The following PDE8B variants were observed in gnomAD, a reference collection of about 807,000 sequenced individuals.
The protein encoded by PDE8B is high affinity cAMP-specific and IBMX-insensitive 3',5'-cyclic phosphodiesterase 8B.
A neutral mutation model predicts 101.3 loss-of-function variants in PDE8B; 26 were observed. That is an observed-to-expected ratio of 0.26 (90% confidence interval 0.19 to 0.36). The LOEUF is 0.36. Among genes scored for constraint, PDE8B ranks in the 10% least tolerant of loss-of-function variants. The pLI is 1.00. For synonymous variants in PDE8B, 424 were observed against 429.3 expected (o/e 0.99, Z 0.15); for missense variants, 810 against 1,163.1 (o/e 0.70, Z 4.42).
intron 1 of PDE8B, among the ~76,000 whole-genome samples, chr5:77,262,824 T>C (rs1275292170): frequency 6.6e-6 from 1 of 152,216 alleles, no homozygotes; most frequent in East Asian, 1.9e-4. Context: ...CCACATGACC[T>C]GAAGATCTGC....
chr5:77,423,328 A>G lies in PDE8B; in HGVS notation c.2418+1340A>G, dbSNP rs568636046. Among the ~76,000 whole-genome samples, 3 of 152,336 alleles carry G rather than the reference A, an allele frequency of 2.0e-5. No individual in the cohort carries two copies. The East Asian group carries it at 5.8e-4, about 29-fold the overall frequency. On this transcript the variant is annotated intron_variant, in intron 20 of 21. Coordinates refer to ENST00000264917, the MANE Select transcript of PDE8B (RefSeq NM_003719.5). ...ATTGTGCTGTCATAAACATGCAAGT[A>G]CAGGTGTCTCTTCAGTAGAATGATT...
chr5:77,129,967 G>A, the PDE8B span, among the ~76,000 whole-genome samples: 1 of 152,152 alleles, frequency 6.6e-6, no homozygotes, highest in African/African-American at 2.4e-5. Context: ...CCTTGATTGT[G>A]TTTCCAGATC....
intron 2 of PDE8B, among the ~76,000 whole-genome samples, chr5:77,319,435 G>T (rs982287001): frequency 1.3e-5 from 2 of 152,036 alleles, no homozygotes; most frequent in South Asian, 2.1e-4. Flanking sequence ...CTATCTCTCC[G>T]TGATAAACCC....
chr5:77,111,396 A>G, the PDE8B span, among the ~76,000 whole-genome samples: 39 of 152,226 alleles, frequency 2.6e-4, no homozygotes, highest in Non-Finnish European at 4.4e-4. Context: ...CCAAAAGTCA[A>G]TTAGAAAAGT....
chr5:77,298,182 AG>A (rs778645859), intron 1 of PDE8B, among the ~76,000 whole-genome samples: 14 of 152,228 alleles, frequency 9.2e-5, no homozygotes, highest in Non-Finnish European at 1.5e-4. Context: ...TCCCATCATA[AG>A]GAAACAGTGC....
At chr5:77,352,299 C>A (rs1361114570) in intron 9 of PDE8B, among the ~76,000 whole-genome samples, 1 of 152,190 alleles carries the variant, frequency 6.6e-6, no homozygotes, top group Non-Finnish European at 1.5e-5. Context: ...TTATCCTCAT[C>A]CTTATACCAT....
chr5:77,130,671 TC>T, the PDE8B span, among the ~76,000 whole-genome samples: 2 of 152,002 alleles, frequency 1.3e-5, no homozygotes, highest in Non-Finnish European at 2.9e-5. Context: ...ATGGGGCTGT[TC>T]TCCATAATCA....
At chr5:77,423,969 T>G (rs1373256884) in intron 20 of PDE8B, among the ~76,000 whole-genome samples, 2 of 152,050 alleles carry the variant, frequency 1.3e-5, no homozygotes, top group Non-Finnish European at 2.9e-5. Flanking sequence ...TATTGGCTGC[T>G]TGTGTGTCGT....
intron 10 of PDE8B, among the ~76,000 whole-genome samples, chr5:77,355,943 A>G (rs569462724): frequency 2.6e-5 from 4 of 152,344 alleles, no homozygotes; most frequent in East Asian, 1.9e-4. Context: ...TTATTGGAAC[A>G]CAGCCACACT....
At chr5:77,408,762 C>A in intron 13 of PDE8B, 131 bp from the exon 14 acceptor site, 1 of 762,586 alleles carries the variant, frequency 1.3e-6, no homozygotes. Context: ...AAGGGCGGTG[C>A]CGTGAAAGCA....
intron 1 of PDE8B, among the ~76,000 whole-genome samples, chr5:77,249,820 G>T (rs948277252): frequency 3.3e-5 from 5 of 152,202 alleles, no homozygotes; most frequent in African/African-American, 1.2e-4. Flanking sequence ...AATTTTGGGG[G>T]CAAGGATTCC....
At chr5:77,100,444 TAAAAAG>T in the PDE8B span, 1 of 151,902 alleles carries the variant, frequency 6.6e-6, no homozygotes. Context: ...GGGGAGGAAA[TAAAAAG>T]AAAGAAAGGA....
chr5:77,176,333 G>A, the PDE8B span, among the ~76,000 whole-genome samples: 2 of 152,200 alleles, frequency 1.3e-5, no homozygotes, highest in African/African-American at 4.8e-5. Context: ...GTAGGAAGAA[G>A]AGAGTGATCA....
rs1561707478 is a variant in PDE8B, at chr5:77,426,323, C to T, written c.2549-122C>T. 6 of 721,626 alleles carry T rather than the reference C, an allele frequency of 8.3e-6. No individual in the cohort carries two copies. In the East Asian group the frequency reaches 1.3e-4, roughly 16 times the overall value. The allele number at this position is 721,626 out of a possible 1,614,324, so 44.7% of individuals were successfully genotyped here. ...TAGTGTTTAATGACTTGTCCTCATG[C>T]TTCGCCCAGGGTGTGCCTCCTCTAA... is the stretch of plus-strand genomic sequence containing the variant. On this transcript the variant is annotated intron_variant, in intron 21 of 21. Transcript: ENST00000264917.
At chr5:77,222,737 C>A (rs928764052) in intron 1 of PDE8B, among the ~76,000 whole-genome samples, 9 of 152,192 alleles carry the variant, frequency 5.9e-5, no homozygotes, top group African/African-American at 2.2e-4. Flanking sequence ...AGGTGAGACA[C>A]TCCTACTGGG....
At chr5:77,408,786 A>G (rs779146613) in intron 13 of PDE8B, 107 bp from the exon 14 acceptor site, 23 of 902,012 alleles carry the variant, frequency 2.5e-5, no homozygotes, top group Non-Finnish European at 3.7e-5. Context: ...GTCATTTTGA[A>G]TAAGAGATGG....
At chr5:77,185,904 C>A in the PDE8B span, among the ~76,000 whole-genome samples, 2 of 152,230 alleles carry the variant, frequency 1.3e-5, no homozygotes, top group African/African-American at 4.8e-5. Flanking sequence ...GGAGCACCAA[C>A]TCTGAAGCAG....
At chr5:77,397,371 A>G (rs1235067406) in intron 10 of PDE8B, among the ~76,000 whole-genome samples, 1 of 152,092 alleles carries the variant, frequency 6.6e-6, no homozygotes, top group East Asian at 1.9e-4. Flanking sequence ...GCTCTGTCAT[A>G]TATTTTGGTA....
chr5:77,421,929 C>T lies in PDE8B; in HGVS notation c.2359C>T (p.Arg787Cys), dbSNP rs1796734557. The part of the protein sequence containing the change: ...IKCADVANPC[R>C]PLDLCIEWAG... ...GTGTGCTGACGTGGCCAACCCATGC[C>T]GCCCCTTGGACCTGTGCATTGAATG... Residue 787 changes from arginine to cysteine, a missense_variant, in exon 20 of 22, where the codon CGC becomes TGC. Physicochemically the swap from Arg to Cys is radical, Grantham distance 180. Coordinates refer to ENST00000264917, the MANE Select transcript of PDE8B (RefSeq NM_003719.5). 1 of 1,614,106 alleles carries T rather than the reference C, an allele frequency of 6.2e-7. No homozygotes were observed. The highest frequency in any genetic ancestry group is 8.5e-7 in the Non-Finnish European group (1 of 1,180,004).
Sources: gnomAD v4.1 joint callset for allele counts (sites outside exome capture counted in the v4.1 genomes callset) on GRCh38, gnomAD v4.1.1 for gene constraint, MANE v1.5 for transcripts, NCBI Gene and HGNC (gene_info 2026-07-23, HGNC 2026-07-21) for gene names.